The following SLC6A5 variants were observed in gnomAD, a reference collection of about 807,000 sequenced individuals.
SLC6A5 encodes solute carrier family 6 member 5.
SLC6A5 carries 58 observed loss-of-function variants against 90.5 expected under a neutral mutation model. The observed-to-expected ratio is 0.64, with a 90% CI of 0.52 to 0.80. The LOEUF is 0.80. SLC6A5 is among the 30% of genes least tolerant of loss of function. The pLI is 0.00. For missense variants in SLC6A5, 1,015 were observed against 1,017.6 expected, an observed-to-expected ratio of 1.00 and a Z score of 0.03; for synonymous variants, 427 against 401.4, an observed-to-expected ratio of 1.06 and a Z score of -0.76.
chr11:20,639,649 G>C (rs1041352128), intron 13 of SLC6A5, among the ~76,000 whole-genome samples: 1 of 152,044 alleles, frequency 6.6e-6, no homozygotes, highest in Non-Finnish European at 1.5e-5. Flanking sequence ...AGCCTCCACC[G>C]AAGAGGTGCT....
At chr11:20,610,152 C>T (rs1170720635) in intron 5 of SLC6A5, among the ~76,000 whole-genome samples, 3 of 152,174 alleles carry the variant, frequency 2.0e-5, no homozygotes, top group Non-Finnish European at 1.5e-5. Flanking sequence ...AAAGAGAATC[C>T]CATTCCACAG....
rs1341340434 is a variant in SLC6A5, at chr11:20,659,089, G to A, written c.*4221G>A. 7.1e-6 allele frequency: 1 copy of A among 141,656 alleles called. No homozygotes were observed. The highest frequency in any genetic ancestry group is 2.6e-5 in the African/African-American group (1 of 38,420). The allele number at this position is 141,656 out of a possible 1,614,324, so 8.8% of individuals were successfully genotyped here. ...TATATATATATATATATATCTTATA[G>A]ATTACATATTATATACTGCACATTA... On this transcript the variant is annotated 3_prime_UTR_variant, in exon 16 of 16. Transcript: ENST00000525748.
intron 11 of SLC6A5, among the ~76,000 whole-genome samples, chr11:20,636,820 T>C (rs1004526959): frequency 1.3e-5 from 2 of 152,022 alleles, no homozygotes; most frequent in African/African-American, 4.8e-5. Context: ...AGTCCTTGGG[T>C]GCAAAGAGGG....
At chr11:20,599,881 G>T (rs1253008355) in intron 1 of SLC6A5, among the ~76,000 whole-genome samples, 1 of 152,172 alleles carries the variant, frequency 6.6e-6, no homozygotes, top group Non-Finnish European at 1.5e-5. Flanking sequence ...CTGTAGAGCT[G>T]AGAGGTTGGC....
In SLC6A5 at chr11:20,655,039, G is replaced by A. The variant is rs374750510; in HGVS notation, c.*171G>A. 1 of 755,406 alleles carries A rather than the reference G, an allele frequency of 1.3e-6. No homozygotes were observed. The highest frequency in any genetic ancestry group is 2.3e-6 in the Non-Finnish European group (1 of 432,956). 46.8% of individuals were successfully genotyped at this position (755,406 alleles called of 1,614,324 possible). The stretch of plus-strand genomic sequence containing the variant: ...AGTAGGCATAGTGTCGCATGCTGCA[G>A]TAAAGAGCTACATAGACCACCTGAA... On this transcript the variant is annotated 3_prime_UTR_variant, in exon 16 of 16. Transcript: ENST00000525748.
At chr11:20,601,838 G>A (rs930762772) in intron 2 of SLC6A5, among the ~76,000 whole-genome samples, 173 bp downstream of exon 2, 2 of 152,202 alleles carry the variant, frequency 1.3e-5, no homozygotes, top group African/African-American at 4.8e-5. Context: ...CGCTGGGGTC[G>A]GCAGTTCAGG....
chr11:20,614,955 C>A (rs772730517), intron 6 of SLC6A5, 135 bp downstream of exon 6: 177 of 828,724 alleles, frequency 2.1e-4, no homozygotes, highest in Non-Finnish European at 3.3e-4. Context: ...CCTGGTTTGG[C>A]TTCCAAGAGC....
intron 10 of SLC6A5, among the ~76,000 whole-genome samples, chr11:20,635,326 C>A (rs1014663798): frequency 6.6e-6 from 1 of 152,084 alleles, no homozygotes; most frequent in East Asian, 1.9e-4. Flanking sequence ...TGGTAAGTCA[C>A]GGAATCTGGA....
At chr11:20,635,016 G>A (rs1000709203) in intron 10 of SLC6A5, among the ~76,000 whole-genome samples, 3 of 152,102 alleles carry the variant, frequency 2.0e-5, no homozygotes, top group Non-Finnish European at 2.9e-5. Flanking sequence ...GAGAATGGCT[G>A]GCAGAGCTTT....
In SLC6A5 at chr11:20,656,991, T is replaced by A. The variant is rs1853644942; in HGVS notation, c.*2123T>A. 1.3e-5 allele frequency: 2 copies of A among 152,200 alleles called. No individual in the cohort carries two copies. Among genetic ancestry groups the A allele is most frequent in the African/African-American group, 2.4e-5 (1 of 41,446 alleles). The allele number at this position is 152,200 out of a possible 1,614,324, so 9.4% of individuals were successfully genotyped here. A position where few individuals can be genotyped will look rare whatever the true frequency, so the allele number is the denominator to read the frequency against. On this transcript the variant is annotated 3_prime_UTR_variant, in exon 16 of 16. Coordinates refer to ENST00000525748, the MANE Select transcript of SLC6A5 (RefSeq NM_004211.5). ...GTGAGAGGAGCCAGGAGGAATAACTTAGGCCTGGAAATTATCTGCAGGCTT... is the reference window on the plus strand; with the variant it reads ...GTGAGAGGAGCCAGGAGGAATAACTAAGGCCTGGAAATTATCTGCAGGCTT...
intron 13 of SLC6A5, among the ~76,000 whole-genome samples, chr11:20,644,528 G>C (rs886227930): frequency 1.3e-5 from 2 of 152,240 alleles, no homozygotes; most frequent in Non-Finnish European, 2.9e-5. Flanking sequence ...AAACATAAGA[G>C]TGCAGATATC....
chr11:20,638,633 C>A, intron 13 of SLC6A5, 75 bp downstream of exon 13: 2 of 877,940 alleles, frequency 2.3e-6, no homozygotes, highest in Non-Finnish European at 3.9e-6. Flanking sequence ...GCAGATTTCC[C>A]ATACTTAATA....
At chr11:20,646,212 T>C (rs1367126383) in intron 13 of SLC6A5, among the ~76,000 whole-genome samples, 1 of 152,206 alleles carries the variant, frequency 6.6e-6, no homozygotes, top group Non-Finnish European at 1.5e-5. Flanking sequence ...AACCATCTCC[T>C]CTGTTTTTAC....
At chr11:20,599,738 C>G (rs375822892) in intron 1 of SLC6A5, 63 bp downstream of exon 1, 4 of 1,597,956 alleles carry the variant, frequency 2.5e-6, no homozygotes, top group Non-Finnish European at 3.4e-6. Flanking sequence ...AAAGCAGATT[C>G]GTTTTGGCTA....
intron 13 of SLC6A5, among the ~76,000 whole-genome samples, chr11:20,640,744 T>C (rs1477668490): frequency 3.9e-5 from 6 of 151,908 alleles, no homozygotes; most frequent in African/African-American, 1.5e-4. Flanking sequence ...CTGTAATTTA[T>C]ATCCCAGAAG....
rs1382641421 is a variant in SLC6A5, at chr11:20,604,331, A to G, written c.586A>G (p.Ser196Gly). The change falls in exon 3 of 16, where the codon AGC (serine) becomes GGC (glycine). Residue 196 changes from serine to glycine, a missense_variant. Physicochemically the swap from Ser to Gly is moderately conservative, Grantham distance 56. This residue lies in a region of SLC6A5 where 567 missense variants were observed against 507.3 expected (regional missense o/e 1.12). Coordinates refer to ENST00000525748, the MANE Select transcript of SLC6A5 (RefSeq NM_004211.5). The stretch of plus-strand genomic sequence containing the variant: ...GAATAAGGCCCGAGGGAACTGGTCC[A>G]GCAAACTGGACTTCATCCTGTCCAT... Reference protein sequence around the residue: ...DENKARGNWSSKLDFILSMVG... With the variant: ...DENKARGNWSGKLDFILSMVG... 1 of 1,614,012 alleles carries G rather than the reference A, an allele frequency of 6.2e-7. No individual in the cohort carries two copies. The highest frequency in any genetic ancestry group is 1.1e-5 in the South Asian group (1 of 91,072).
chr11:20,638,433 T>C (rs1410234572), intron 12 of SLC6A5, 26 bp from the exon 13 acceptor site: 3 of 1,390,708 alleles, frequency 2.2e-6, no homozygotes, highest in African/African-American at 1.4e-5. Context: ...ACGCATTTGA[T>C]ATTGGTTGTT....
At chr11:20,627,243 T>C (rs1853015396) in intron 8 of SLC6A5, among the ~76,000 whole-genome samples, 1 of 152,180 alleles carries the variant, frequency 6.6e-6, no homozygotes, top group African/African-American at 2.4e-5. Context: ...CTTTAAGGGC[T>C]CAGACACATC....
rs369546941 is a variant in SLC6A5, at chr11:20,617,794, C to A, written c.1170C>A (p.Gly390=). Residue 390 remains glycine, a synonymous_variant, in exon 7 of 16, where the codon GGC becomes GGA. Transcript: ENST00000525748. ...TTTCTGCAGGGATTGAATATCCTGG[C>A]GAGATCAGGTGGCCACTAGCTCTCT... The part of the protein sequence containing the change: ...LKISAGIEYP[G]EIRWPLALCL... 4 of 1,614,156 alleles carry A rather than the reference C, an allele frequency of 2.5e-6. No individual in the cohort carries two copies. Among genetic ancestry groups the A allele is most frequent in the Admixed American group, 3.3e-5 (2 of 60,028 alleles).
Sources: gnomAD v4.1 joint callset for allele counts (sites outside exome capture counted in the v4.1 genomes callset) on GRCh38, gnomAD v4.1.1 for gene constraint, gnomAD v4.1.1 regional missense constraint, MANE v1.5 for transcripts, NCBI Gene and HGNC (gene_info 2026-07-23, HGNC 2026-07-21) for gene names.